The following BMPR1B variants were observed in gnomAD, a reference collection of about 807,000 sequenced individuals.
BMPR1B encodes bone morphogenetic protein receptor type 1B.
Under a neutral mutation model 59.1 loss-of-function variants are expected in BMPR1B, and 12 were observed. The observed-to-expected ratio is 0.20, with a 90% CI of 0.13 to 0.33. The LOEUF (loss-of-function observed/expected upper bound fraction) is 0.33, where lower values mean the gene tolerates loss of function less well. BMPR1B is among the 10% of genes least tolerant of loss of function. The pLI is 1.00. For synonymous variants in BMPR1B, 237 were observed against 207.3 expected (o/e 1.14, Z -1.23); for missense variants, 550 against 610.9 (o/e 0.90, Z 1.05).
At chr4:94,910,594 C>T (rs546330496) in intron 2 of BMPR1B, among the ~76,000 whole-genome samples, 33 of 151,930 alleles carry the variant, frequency 2.2e-4, no homozygotes, top group Middle Eastern at 6.8e-3. Context: ...TCTATTGTAC[C>T]GTGAAATTAA....
chr4:94,941,656 C>T (rs1465822982), intron 2 of BMPR1B, among the ~76,000 whole-genome samples: 1 of 152,038 alleles, frequency 6.6e-6, no homozygotes, highest in African/African-American at 2.4e-5. Flanking sequence ...GACTTTTTCA[C>T]GTATCTGTAG....
intron 10 of BMPR1B, among the ~76,000 whole-genome samples, chr4:95,141,291 A>C (rs1164036987): frequency 6.6e-6 from 1 of 152,076 alleles, no homozygotes; most frequent in East Asian, 1.9e-4. Context: ...GTATTTGTGC[A>C]CATATGCATG....
At chr4:95,111,520 A>T (rs1731632628) in intron 4 of BMPR1B, among the ~76,000 whole-genome samples, 1 of 152,108 alleles carries the variant, frequency 6.6e-6, no homozygotes, top group South Asian at 2.1e-4. Flanking sequence ...CTAATGAATG[A>T]GTTGGGTTCC....
chr4:95,144,055 A>T (rs1340988227), intron 10 of BMPR1B, among the ~76,000 whole-genome samples: 1 of 151,922 alleles, frequency 6.6e-6, no homozygotes, highest in Non-Finnish European at 1.5e-5. Flanking sequence ...CCTAGGCTAG[A>T]AGAACAGAAC....
intron 1 of BMPR1B, among the ~76,000 whole-genome samples, chr4:94,782,997 A>G (rs1722638978): frequency 6.6e-6 from 1 of 152,058 alleles, no homozygotes; most frequent in Non-Finnish European, 1.5e-5. Context: ...GGACTATTTT[A>G]CTGCTAGGGG....
chr4:94,865,149 A>G (rs773079615), intron 1 of BMPR1B, among the ~76,000 whole-genome samples: 2 of 151,592 alleles, frequency 1.3e-5, no homozygotes, highest in African/African-American at 2.4e-5. Flanking sequence ...AGCTGGGACT[A>G]CAGGCATGTG....
chr4:94,910,593 C>T (rs10488911), intron 2 of BMPR1B, among the ~76,000 whole-genome samples: 3,887 of 151,990 alleles, frequency 0.026, 157 homozygotes, highest in African/African-American at 0.089. Flanking sequence ...TTCTATTGTA[C>T]CGTGAAATTA....
At chr4:95,108,786 C>T (rs1263318489) in intron 4 of BMPR1B, among the ~76,000 whole-genome samples, 1 of 152,092 alleles carries the variant, frequency 6.6e-6, no homozygotes, top group Non-Finnish European at 1.5e-5. Flanking sequence ...ATTGTCCTCT[C>T]TCCCTCGAGA....
chr4:94,786,762 T>C (rs1722779707), intron 1 of BMPR1B, among the ~76,000 whole-genome samples: 1 of 152,082 alleles, frequency 6.6e-6, no homozygotes, highest in Non-Finnish European at 1.5e-5. Context: ...GCCAGGATAG[T>C]CTTGATCTCC....
chr4:95,145,010 A>G (rs1289744743), intron 10 of BMPR1B, among the ~76,000 whole-genome samples: 2 of 152,132 alleles, frequency 1.3e-5, no homozygotes, highest in Non-Finnish European at 2.9e-5. Context: ...CTTATACTAT[A>G]CTTAGAAATA....
chr4:94,812,835 A>G (rs1413947445), intron 1 of BMPR1B, among the ~76,000 whole-genome samples: 1 of 152,210 alleles, frequency 6.6e-6, no homozygotes, highest in African/African-American at 2.4e-5. Context: ...ACAATTGAGT[A>G]GCATATTTGA....
At chr4:95,051,114 T>G (rs969982080) in intron 3 of BMPR1B, among the ~76,000 whole-genome samples, 3 of 152,208 alleles carry the variant, frequency 2.0e-5, no homozygotes, top group Admixed American at 6.5e-5. Flanking sequence ...TGCACTTGAT[T>G]CAAGGGTATT....
chr4:94,836,930 T>C (rs1263978573), intron 1 of BMPR1B, among the ~76,000 whole-genome samples: 151 of 148,888 alleles, frequency 1.0e-3, no homozygotes, highest in African/African-American at 3.6e-3. Flanking sequence ...TGAATTGATT[T>C]TTGTATAAGG....
intron 3 of BMPR1B, among the ~76,000 whole-genome samples, chr4:95,079,457 T>TGAAATAATGC (rs59319316): frequency 6.6e-6 from 1 of 151,594 alleles, no homozygotes; most frequent in African/African-American, 2.4e-5. Context: ...ATGTAGAATG[T>TGAAATAATGC]CACAATTAAG....
chr4:95,082,613 G>C (rs1579047943), intron 3 of BMPR1B, among the ~76,000 whole-genome samples: 1 of 152,112 alleles, frequency 6.6e-6, no homozygotes, highest in African/African-American at 2.4e-5. Context: ...TGAGACCAAT[G>C]GAAATTAAGA....
chr4:95,142,925 A>T (rs1191419091), intron 10 of BMPR1B, among the ~76,000 whole-genome samples: 2 of 151,710 alleles, frequency 1.3e-5, no homozygotes, highest in Non-Finnish European at 2.9e-5. Flanking sequence ...GGCTGAAGAG[A>T]TACTATATTT....
Position 95,058,941 on chromosome 4 carries a change from A to G in BMPR1B, c.-17-45467A>G, listed in dbSNP as rs537371874. Among the ~76,000 whole-genome samples, 108 of 152,262 alleles carry G rather than the reference A, an allele frequency of 7.1e-4. 1 individual carries two copies. Among genetic ancestry groups the G allele is most frequent in the African/African-American group, 2.6e-3 (107 of 41,562 alleles). On this transcript the variant is annotated intron_variant, in intron 3 of 12. Coordinates refer to ENST00000515059, the MANE Select transcript of BMPR1B (RefSeq NM_001203.3). ...TGAATATTTGTCTTGGTTAGAGTTG[A>G]TATGCTCAAATATGTGTTGTTTTCA...
intron 2 of BMPR1B, among the ~76,000 whole-genome samples, chr4:94,888,633 A>G (rs1328933123): frequency 6.6e-6 from 1 of 152,066 alleles, no homozygotes; most frequent in Non-Finnish European, 1.5e-5. Context: ...GAGATTAAAT[A>G]GTACCTTGGT....
intron 1 of BMPR1B, among the ~76,000 whole-genome samples, chr4:94,768,694 G>A (rs914517594): frequency 2.7e-5 from 4 of 150,814 alleles, no homozygotes; most frequent in African/African-American, 9.7e-5. Flanking sequence ...TGATGATTTG[G>A]TATTTTGTAG....
Sources: allele counts gnomAD v4.1 joint callset (sites outside exome capture counted in the v4.1 genomes callset), GRCh38; gene constraint gnomAD v4.1.1; transcripts MANE v1.5; gene names NCBI Gene and HGNC (gene_info 2026-07-23, HGNC 2026-07-21).